VCL: variants seen among roughly 807,000 people sequenced by gnomAD.
VCL encodes epididymis luminal protein 114.
A neutral mutation model predicts 125.7 loss-of-function variants in VCL; 47 were observed. The ratio of observed to expected loss-of-function variants is 0.37; its 90% CI spans 0.30 to 0.48. The LOEUF is 0.48. VCL is among the 20% of genes least tolerant of loss of function. VCL has a pLI of 0.99. For missense variants in VCL, 1,069 were observed against 1,455.5 expected (o/e 0.73, Z 4.32); for synonymous variants, 458 against 514.6 (o/e 0.89, Z 1.49).
chr10:74,006,166 G>A (rs531451617), intron 1 of VCL, among the ~76,000 whole-genome samples: 2 of 152,262 alleles, frequency 1.3e-5, no homozygotes, highest in East Asian at 1.9e-4. Flanking sequence ...GATTACAGGT[G>A]TGAGCCACTG....
chr10:74,102,399 T>A (rs1289297494), intron 14 of VCL, among the ~76,000 whole-genome samples: 1 of 152,246 alleles, frequency 6.6e-6, no homozygotes, highest in Non-Finnish European at 1.5e-5. Flanking sequence ...CTTAAAAATA[T>A]TAGCTCAACA....
intron 12 of VCL, among the ~76,000 whole-genome samples, chr10:74,096,882 G>C (rs1176275458): frequency 6.6e-6 from 1 of 152,330 alleles, no homozygotes; most frequent in East Asian, 1.9e-4. Flanking sequence ...CCATCTCTGG[G>C]CCTTCTTTGG....
At chr10:74,116,035 G>A (rs1268862366) in intron 21 of VCL, among the ~76,000 whole-genome samples, 2 of 152,170 alleles carry the variant, frequency 1.3e-5, no homozygotes, top group African/African-American at 2.4e-5. Flanking sequence ...CTAGCCACAC[G>A]AGGCTCATCA....
chr10:74,109,995 A>G (rs567948837), intron 18 of VCL, among the ~76,000 whole-genome samples: 3 of 152,114 alleles, frequency 2.0e-5, no homozygotes, highest in African/African-American at 7.2e-5. Context: ...TGTCGATTGT[A>G]TTTCCTCAGG....
rs577659109 is a variant in VCL at position 74,109,357 on chromosome 10, G to A, written c.2745+201G>A. Among the ~76,000 whole-genome samples, 5 of 152,298 alleles carry A rather than the reference G, an allele frequency of 3.3e-5. No individual in the cohort carries two copies. In the South Asian group the frequency reaches 1.0e-3, roughly 32 times the overall value. On this transcript the variant is annotated intron_variant, in intron 18 of 21. Transcript: ENST00000211998. ...ACCTGATGGTTTCTCCTTCAAGCTT[G>A]CAAAAGCCAGAGTCAGGGTGCCTGT...
chr10:74,085,919 G>A (rs1839762524), intron 8 of VCL, among the ~76,000 whole-genome samples: 1 of 152,112 alleles, frequency 6.6e-6, no homozygotes, highest in African/African-American at 2.4e-5. Flanking sequence ...CCAGGCTGGA[G>A]TGCAATAGCA....
intron 1 of VCL, among the ~76,000 whole-genome samples, chr10:74,042,597 T>C (rs1841115276): frequency 6.6e-6 from 1 of 152,208 alleles, no homozygotes; most frequent in Admixed American, 6.5e-5. Context: ...TCAGTTTTTT[T>C]GATTACTAGT....
chr10:74,038,990 C>CA (rs775169001), intron 1 of VCL, among the ~76,000 whole-genome samples: 43 of 152,192 alleles, frequency 2.8e-4, no homozygotes, highest in African/African-American at 8.0e-4. Flanking sequence ...TGGCTCACTG[C>CA]AACCTCCGCC....
chr10:74,093,608 G>A (rs542290296), intron 10 of VCL, among the ~76,000 whole-genome samples: 2 of 151,874 alleles, frequency 1.3e-5, no homozygotes, highest in African/African-American at 2.4e-5. Context: ...GGGAAACATC[G>A]GGAGAATGTT....
At chr10:74,042,397 A>G (rs1841110606) in intron 1 of VCL, among the ~76,000 whole-genome samples, 1 of 152,192 alleles carries the variant, frequency 6.6e-6, no homozygotes. Flanking sequence ...TCATAAGTGG[A>G]ATTCCCAGGT....
chr10:74,050,245 G>A (rs1841275693), intron 2 of VCL, among the ~76,000 whole-genome samples: 2 of 152,182 alleles, frequency 1.3e-5, no homozygotes, highest in South Asian at 4.1e-4. Flanking sequence ...TGGTTCACCA[G>A]CTTGGACTAT....
intron 2 of VCL, among the ~76,000 whole-genome samples, chr10:74,066,912 C>G (rs1349263634): frequency 6.6e-6 from 1 of 152,120 alleles, no homozygotes; most frequent in Admixed American, 6.5e-5. Context: ...CCTCAGTCCG[C>G]CCACCTTGGC....
chr10:74,099,562 G>A (rs370143224), intron 13 of VCL, among the ~76,000 whole-genome samples: 1 of 152,100 alleles, frequency 6.6e-6, no homozygotes, highest in East Asian at 1.9e-4. Flanking sequence ...AGGATATTGT[G>A]TTTTACTCAT....
chr10:74,112,288 C>T (rs376545798), intron 19 of VCL, among the ~76,000 whole-genome samples, 176 bp downstream of exon 19: 46 of 152,152 alleles, frequency 3.0e-4, no homozygotes, highest in East Asian at 1.5e-3. Context: ...GGTCTGCTAA[C>T]GCCAGATTAA....
chr10:74,027,042 A>G (rs1256217998), intron 1 of VCL, among the ~76,000 whole-genome samples: 1 of 152,252 alleles, frequency 6.6e-6, no homozygotes, highest in Non-Finnish European at 1.5e-5. Context: ...TATTAAGGAA[A>G]AAAATGCATT....
rs756849548 is a variant in VCL at position 74,114,285 on chromosome 10, G to A, written c.3051G>A (p.Gln1017=). The change falls in exon 20 of 22, where the codon CAG becomes CAA. Residue 1017 remains glutamine (Q), a synonymous_variant. Coordinates refer to ENST00000211998, the MANE Select transcript of VCL (RefSeq NM_014000.3). The part of the protein sequence containing the change: ...GGSGTKRALI[Q]CAKDIAKASD... The stretch of plus-strand genomic sequence containing the variant: ...GTGGTACCAAGCGGGCACTCATTCA[G>A]TGTGCCAAGGACATCGCCAAGGCCT... 4 of 1,614,038 alleles carry A rather than the reference G, an allele frequency of 2.5e-6. No individual in the cohort carries two copies. Among genetic ancestry groups the A allele is most frequent in the African/African-American group, 1.3e-5 (1 of 74,904 alleles).
intron 15 of VCL, among the ~76,000 whole-genome samples, 193 bp downstream of exon 15, chr10:74,104,121 G>A (rs1840098386): frequency 6.6e-6 from 1 of 152,214 alleles, no homozygotes; most frequent in African/African-American, 2.4e-5. Flanking sequence ...TTTGTCAGAA[G>A]AGAGACTCTT....
At chr10:74,114,486 A>G (rs1840282551) in intron 20 of VCL, 99 bp downstream of exon 20, 1 of 1,422,700 alleles carries the variant, frequency 7.0e-7, no homozygotes, top group South Asian at 1.2e-5. Flanking sequence ...GAAAAGCAGG[A>G]GAGAAAAACT....
At chr10:74,010,231 T>C (rs1377875956) in intron 1 of VCL, among the ~76,000 whole-genome samples, 5 of 152,210 alleles carry the variant, frequency 3.3e-5, no homozygotes, top group African/African-American at 9.6e-5. Flanking sequence ...AGCCTACCTT[T>C]TTCTTCTTAA....
Sources: gnomAD v4.1 joint callset for allele counts (sites outside exome capture counted in the v4.1 genomes callset) on GRCh38, gnomAD v4.1.1 for gene constraint, MANE v1.5 for transcripts, NCBI Gene and HGNC (gene_info 2026-07-23, HGNC 2026-07-21) for gene names.